IQCE: variants seen among roughly 807,000 people sequenced by gnomAD.
IQCE encodes the protein IQ motif containing E.
Under a neutral mutation model 96.0 loss-of-function variants are expected in IQCE, and 115 were observed. The ratio of observed to expected loss-of-function variants is 1.20; its 90% CI spans 1.03 to 1.40. The LOEUF (loss-of-function observed/expected upper bound fraction) is 1.40, where lower values mean the gene tolerates loss of function less well. Among genes scored for constraint, IQCE ranks in the 40% most tolerant of loss-of-function variants. The pLI is 0.00. For synonymous variants in IQCE, 412 were observed against 371.2 expected (o/e 1.11, Z -1.26); for missense variants, 1,041 against 909.1 (o/e 1.15, Z -1.87).
intron 1 of IQCE, among the ~76,000 whole-genome samples, chr7:2,561,107 G>T (rs1159696545): frequency 9.8e-6 from 1 of 101,992 alleles, no homozygotes; most frequent in African/African-American, 5.5e-5. Flanking sequence ...ACAGGCGCCT[G>T]CCACCACACC....
intron 16 of IQCE, chr7:2,597,222 C>T (rs979364848): frequency 3.0e-5 from 13 of 439,646 alleles, no homozygotes; most frequent in Middle Eastern, 7.6e-4. Context: ...TCAGCTGTCC[C>T]GCACCTGGCC....
At chr7:2,578,558 C>T (rs1308847837) in intron 8 of IQCE, 32 bp downstream of exon 8, 1 of 1,611,162 alleles carries the variant, frequency 6.2e-7, no homozygotes, top group African/African-American at 1.3e-5. Flanking sequence ...CAGAGCCTTT[C>T]CCCAGACGCT....
chr7:2,584,962 A>G (rs1210602931), intron 11 of IQCE, among the ~76,000 whole-genome samples: 1 of 152,200 alleles, frequency 6.6e-6, no homozygotes, highest in East Asian at 1.9e-4. Flanking sequence ...ACAGAGTTAT[A>G]AAGTCTCCAT....
intron 15 of IQCE, 105 bp from the exon 16 acceptor site, chr7:2,594,781 G>T (rs932403490): frequency 1.3e-6 from 1 of 787,986 alleles, no homozygotes; most frequent in Non-Finnish European, 2.3e-6. Flanking sequence ...AGGCTGCCTG[G>T]TGTCCCCCTG....
chr7:2,603,503 G>T (rs1220898698), intron 18 of IQCE, among the ~76,000 whole-genome samples: 1 of 152,290 alleles, frequency 6.6e-6, no homozygotes, highest in Admixed American at 6.5e-5. Context: ...ATGCCTCAGG[G>T]GCCTCGTCTC....
chr7:2,567,852 TCG>T (rs1183734599), intron 2 of IQCE, among the ~76,000 whole-genome samples: 2 of 152,194 alleles, frequency 1.3e-5, no homozygotes, highest in Non-Finnish European at 2.9e-5. Context: ...GGACCTCTGT[TCG>T]CAAAGTTAAG....
intron 20 of IQCE, 133 bp from the exon 21 acceptor site, chr7:2,606,991 G>C (rs974473856): frequency 2.5e-6 from 2 of 785,432 alleles, no homozygotes; most frequent in East Asian, 5.9e-5. Context: ...TGGTCGTGGG[G>C]CTCGGGACTG....
intron 20 of IQCE, 63 bp downstream of exon 20, chr7:2,606,060 G>T: frequency 6.5e-7 from 1 of 1,531,538 alleles, no homozygotes; most frequent in South Asian, 1.2e-5. Context: ...CACCGCACTG[G>T]GCCCGGAGCA....
At position 2,567,116 on chromosome 7, in the gene IQCE, G is replaced by A. The variant is rs1176704376; in HGVS notation, c.37G>A (p.Gly13Arg). ...LGTGEPALDT[G>R]DDSLSAVTFD... The stretch of plus-strand genomic sequence containing the variant: ...ACAGTGTTTGCCTCTCTTCCTCCAG[G>A]GAGATGACAGTCTGTCTGCAGTCAC... Residue 13 changes from glycine to arginine, a missense_variant and splice_region_variant, in exon 2 of 22, where the codon GGA (glycine) becomes AGA (arginine). Gly to Arg is a moderately radical substitution (Grantham distance 125). Coordinates refer to ENST00000402050, the MANE Select transcript of IQCE (RefSeq NM_152558.5). 2 of 1,613,568 alleles carry A rather than the reference G, an allele frequency of 1.2e-6. No individual in the cohort carries two copies. Among genetic ancestry groups the A allele is most frequent in the Admixed American group, 3.3e-5 (2 of 59,992 alleles).
Position 2,578,363 on chromosome 7 carries a change from C to G in IQCE, c.579+8C>G, listed in dbSNP as rs766887256. Reference sequence around the variant, plus strand: ...CTCCTGGATCCCAGCCGCGTAAGCTCCTGGCGCTTCACGGACGGGGCAAGG... The same window carrying G: ...CTCCTGGATCCCAGCCGCGTAAGCTGCTGGCGCTTCACGGACGGGGCAAGG... On this transcript the variant is annotated splice_region_variant and intron_variant, in intron 7 of 21. Transcript: ENST00000402050. 4.3e-6 allele frequency: 7 copies of G among 1,613,182 alleles called. No individual in the cohort carries two copies. The Admixed American group carries it at 5.0e-5, about 12-fold the overall frequency.
At chr7:2,599,454 C>A (rs995865391) in intron 17 of IQCE, among the ~76,000 whole-genome samples, 2 of 152,150 alleles carry the variant, frequency 1.3e-5, no homozygotes, top group African/African-American at 4.8e-5. Context: ...TCTTGGCTTC[C>A]CAAAGTGCCA....
chr7:2,609,984 G>C (rs1014512035), intron 21 of IQCE, 60 bp from the exon 22 acceptor site: 1 of 927,346 alleles, frequency 1.1e-6, no homozygotes, highest in Admixed American at 1.7e-5. Context: ...AAGGGTGTCC[G>C]TGGTGGCAGC....
chr7:2,600,938 A>G (rs1430558446), intron 17 of IQCE, among the ~76,000 whole-genome samples: 2 of 152,194 alleles, frequency 1.3e-5, no homozygotes, highest in Non-Finnish European at 2.9e-5. Flanking sequence ...AAGACACCCA[A>G]GGGTGACTGA....
At chr7:2,594,750 ATGGCC>A (rs1783887680) in intron 15 of IQCE, 131 bp from the exon 16 acceptor site, 1 of 696,568 alleles carries the variant, frequency 1.4e-6, no homozygotes, top group Non-Finnish European at 2.6e-6. Context: ...TCAGGGAGAC[ATGGCC>A]CCACCAGCTC....
intron 4 of IQCE, 44 bp from the exon 5 acceptor site, chr7:2,572,148 T>G: frequency 6.4e-7 from 1 of 1,571,192 alleles, no homozygotes. Context: ...TCCCATTGTG[T>G]GTGCTTGTAT....
chr7:2,572,991 T>C (rs968033488), intron 5 of IQCE, among the ~76,000 whole-genome samples: 1 of 152,252 alleles, frequency 6.6e-6, no homozygotes. Context: ...GAAATTTAGA[T>C]GTTTAATATA....
In IQCE at chr7:2,568,959, A is replaced by C. The variant is rs1232533769; in HGVS notation, c.90A>C (p.Ala30=). ...VTFDSDVETK[A]KRKAFHKPPP... ...CCATTTCTTCTTTCTTTCAGAAAGC[A>C]AAAAGGAAAGCTTTCCACAAACCTC... The change falls in exon 3 of 22, where the codon GCA becomes GCC. Residue 30 remains alanine (A), a synonymous_variant. Transcript: ENST00000402050. 3 of 1,613,212 alleles carry C rather than the reference A, an allele frequency of 1.9e-6. No homozygotes were observed. Among genetic ancestry groups the C allele is most frequent in the Non-Finnish European group, 2.5e-6 (3 of 1,179,970 alleles).
chr7:2,601,193 T>C (rs754823247), intron 17 of IQCE, among the ~76,000 whole-genome samples: 37 of 152,192 alleles, frequency 2.4e-4, no homozygotes, highest in Non-Finnish European at 4.6e-4. Flanking sequence ...AGACGTCCCT[T>C]CATCTGCAGC....
At chr7:2,592,993 G>A (rs756232542) in intron 14 of IQCE, 29 bp from the exon 15 acceptor site, 30 of 1,568,722 alleles carry the variant, frequency 1.9e-5, no homozygotes, top group Non-Finnish European at 2.4e-5. Flanking sequence ...TTTTGTGAAC[G>A]CTGACGAGTC....
Sources: gnomAD v4.1 joint callset for allele counts (sites outside exome capture counted in the v4.1 genomes callset) on GRCh38, gnomAD v4.1.1 for gene constraint, MANE v1.5 for transcripts, NCBI Gene and HGNC (gene_info 2026-07-23, HGNC 2026-07-21) for gene names.